Variants in DENND3 observed in about 807,000 individuals in gnomAD.
DENND3 encodes the protein DENN domain-containing protein 3.
DENND3 carries 88 observed loss-of-function variants against 135.1 expected under a neutral mutation model. The observed-to-expected ratio is 0.65, with a 90% CI of 0.55 to 0.78. The LOEUF is 0.78. Ranked by LOEUF, DENND3 falls within the 30% of genes least tolerant of loss-of-function variation. The probability of loss-of-function intolerance (pLI) is 0.00; values close to 1 mark genes in which losing one functional copy is unlikely to be tolerated. For missense variants in DENND3, 1,392 were observed against 1,688.4 expected (o/e 0.82, Z 3.08); for synonymous variants, 693 against 712.3 (o/e 0.97, Z 0.43).
At position 141,146,406 on chromosome 8, in the gene DENND3, T is replaced by C. The variant is rs188962784; in HGVS notation, c.735+2147T>C. On this transcript the variant is annotated intron_variant, in intron 5 of 22. Transcript: ENST00000519811. The surrounding 1 kb of genome is among the most constrained non-coding windows in gnomAD (Gnocchi z 4.3). ...AGAAACATGTCAGGTTGCTCAGCTA[T>C]GTGAAGAAACCTGTTTGACTCAGCA... Among the ~76,000 whole-genome samples the C allele has an allele frequency of 3.2e-4, 49 of 152,350 alleles. 1 individual carries two copies. Among genetic ancestry groups the C allele is most frequent in the Non-Finnish European group, 1.2e-4 (8 of 68,034 alleles).
At position 141,182,470 on chromosome 8, in the gene DENND3, G is replaced by A. The variant is rs307739; in HGVS notation, c.2944+1616G>A. On this transcript the variant is annotated intron_variant, in intron 17 of 22. Transcript: ENST00000519811. This position sits in a 1 kb window ranked among gnomAD's most constrained non-coding sequence, Gnocchi z 5.9. ...CTCCACAGACCAAGATACTTTGACC[G>A]TGGCATTTGAATACATGGTATTTTT... The A allele has an allele frequency of 0.52, 509,148 of 984,268 alleles. 133,570 individuals carry two copies. Among genetic ancestry groups the A allele is most frequent in the East Asian group, 0.79 (6,920 of 8,798 alleles). The allele number at this position is 984,268 out of a possible 1,614,324, so 61.0% of individuals were successfully genotyped here. A position where few individuals can be genotyped will look rare whatever the true frequency, so the allele number is the denominator to read the frequency against.
chr8:141,173,276 C>T (rs1047301807), intron 13 of DENND3, among the ~76,000 whole-genome samples: 1 of 152,252 alleles, frequency 6.6e-6, no homozygotes, highest in African/African-American at 2.4e-5. Flanking sequence ...ACTAGGCCTA[C>T]AGAGACCCTT....
rs953980421 is a variant in DENND3 at position 141,167,351 on chromosome 8, G to A, written c.1754-653G>A. On this transcript the variant is annotated intron_variant, in intron 12 of 22. Transcript: ENST00000519811. The surrounding 1 kb of genome is among the most constrained non-coding windows in gnomAD (Gnocchi z 4.1). ...AGCATGCTCCGCTTTCCCTGCCCTC[G>A]GAACCTTCCCCTGGAGCCCCCATGA... Among the ~76,000 whole-genome samples the A allele has an allele frequency of 2.0e-5, 3 of 152,144 alleles. No individual in the cohort carries two copies. Among genetic ancestry groups the A allele is most frequent in the Non-Finnish European group, 2.9e-5 (2 of 68,020 alleles).
At chr8:141,151,078 G>A in intron 6 of DENND3, 125 bp downstream of exon 6, 1 of 1,317,674 alleles carries the variant, frequency 7.6e-7, no homozygotes. Context: ...TACTCGAAAT[G>A]TTTATTATTA....
In DENND3 at chr8:141,192,344, C is replaced by T; in HGVS notation, c.3393C>T (p.Ser1131=). 1 of 1,614,144 alleles carries T rather than the reference C, an allele frequency of 6.2e-7. No individual in the cohort carries two copies. Among genetic ancestry groups the T allele is most frequent in the Non-Finnish European group, 8.5e-7 (1 of 1,180,016 alleles). The stretch of plus-strand genomic sequence containing the variant: ...TTCCTTCCACAGGCACAGGTAACAG[C>T]ATCATGGTCATGAAAATGAATGGAT... ...GGRLWCCTGN[S]IMVMKMNGSL... The change falls in exon 21 of 23, where the codon AGC becomes AGT. Residue 1131 remains serine, a synonymous_variant. Coordinates refer to ENST00000519811, the MANE Select transcript of DENND3 (RefSeq NM_001352890.3).
chr8:141,183,279 T>C (rs1823415461), intron 17 of DENND3, among the ~76,000 whole-genome samples: 1 of 152,166 alleles, frequency 6.6e-6, no homozygotes, highest in Non-Finnish European at 1.5e-5. Context: ...TGAGACAGGG[T>C]CTGACTCTGT....
chr8:141,142,236 C>A, intron 4 of DENND3: 1 of 390,728 alleles, frequency 2.6e-6, no homozygotes, highest in South Asian at 1.9e-5. Context: ...CACTTGTGCA[C>A]GGAGCCGTTT....
intron 8 of DENND3, chr8:141,157,489 G>A: frequency 2.0e-6 from 2 of 985,744 alleles, no homozygotes; most frequent in Non-Finnish European, 2.4e-6. Context: ...GGTCGTGGAG[G>A]TGACGCTGGA....
chr8:141,179,772 C>T (rs778222914), intron 16 of DENND3, among the ~76,000 whole-genome samples: 9 of 152,184 alleles, frequency 5.9e-5, no homozygotes, highest in Non-Finnish European at 1.2e-4. Context: ...CGACGTGTGT[C>T]GGTTTCTTCA....
In DENND3 at chr8:141,182,773, T is replaced by A. The variant is rs1476283825; in HGVS notation, c.2944+1919T>A. On this transcript the variant is annotated intron_variant, in intron 17 of 22. Transcript: ENST00000519811. The surrounding 1 kb of genome is among the most constrained non-coding windows in gnomAD (Gnocchi z 5.9). ...CATCAAGAAGGGGGAGTCTTGTTAT[T>A]CCCATTAGCTTGGGGCTGGGTCTCC... Among the ~76,000 whole-genome samples the A allele has an allele frequency of 6.6e-6, 1 of 152,152 alleles. No individual in the cohort carries two copies. The highest frequency in any genetic ancestry group is 1.5e-5 in the Non-Finnish European group (1 of 68,012).
Position 141,166,501 on chromosome 8 carries a change from A to G in DENND3, c.1753+112A>G, listed in dbSNP as rs1365837170. 8.9e-7 allele frequency: 1 copy of G among 1,118,022 alleles called. No homozygotes were observed. The highest frequency in any genetic ancestry group is 1.6e-5 in the African/African-American group (1 of 63,480). 69.3% of individuals were successfully genotyped at this position (1,118,022 alleles called of 1,614,324 possible). On this transcript the variant is annotated intron_variant, in intron 12 of 22. Transcript: ENST00000519811. The surrounding 1 kb of genome is among the most constrained non-coding windows in gnomAD (Gnocchi z 4.3). ...CAGGAGAGACGAGTGGGCTTGTTTT[A>G]GCAGCTGAGTTATTTGAAATGTTTA...
At chr8:141,180,426 C>G (rs307744) in intron 16 of DENND3, among the ~76,000 whole-genome samples, 17,399 of 152,112 alleles carry the variant, frequency 0.11, 3,030 homozygotes, top group African/African-American at 0.37. Context: ...CTAGAGATCA[C>G]AAGGGATGGC....
At chr8:141,142,330 C>T (rs754309875) in intron 4 of DENND3, 1 of 455,650 alleles carries the variant, frequency 2.2e-6, no homozygotes, top group South Asian at 1.6e-5. Context: ...CAACAGTTCC[C>T]TTTTGTGTCA....
intron 14 of DENND3, chr8:141,176,282 C>CA: frequency 1.2e-5 from 1 of 86,252 alleles, no homozygotes; most frequent in Non-Finnish European, 2.5e-5. Flanking sequence ...AAAACAAAAA[C>CA]AAAACAAAAA....
Position 141,182,186 on chromosome 8 carries a change from C to A in DENND3, c.2944+1332C>A, listed in dbSNP as rs1319496065. On this transcript the variant is annotated intron_variant, in intron 17 of 22. Transcript: ENST00000519811. This position sits in a 1 kb window ranked among gnomAD's most constrained non-coding sequence, Gnocchi z 5.9. ...GTCAGGGATGCAGATGTAGGTGTCA[C>A]CCCCTCTCACAGGCCATGTCCGCGG... 4 of 391,562 alleles carry A rather than the reference C, an allele frequency of 1.0e-5. No homozygotes were observed. The highest frequency in any genetic ancestry group is 2.2e-5 in the African/African-American group (1 of 45,616). The allele number at this position is 391,562 out of a possible 1,614,324, so 24.3% of individuals were successfully genotyped here.
intron 18 of DENND3, among the ~76,000 whole-genome samples, chr8:141,186,523 T>G (rs1037566313): frequency 6.6e-6 from 1 of 152,222 alleles, no homozygotes; most frequent in Admixed American, 6.5e-5. Flanking sequence ...GAGTTTTTTT[T>G]GCAATCTTTT....
intron 8 of DENND3, among the ~76,000 whole-genome samples, chr8:141,157,009 C>T (rs907117278): frequency 1.3e-5 from 2 of 152,006 alleles, no homozygotes; most frequent in Non-Finnish European, 2.9e-5. Context: ...GTCTTGAACT[C>T]CTGACCTTGT....
At chr8:141,140,060 C>T (rs1817268590) in intron 3 of DENND3, among the ~76,000 whole-genome samples, 2 of 152,114 alleles carry the variant, frequency 1.3e-5, no homozygotes, top group Admixed American at 1.3e-4. Context: ...CACAGGTGTG[C>T]ACCACCATGC....
In DENND3 at chr8:141,128,975, C is replaced by T. The variant is rs1815548271; in HGVS notation, c.102+166C>T. On this transcript the variant is annotated intron_variant, in intron 1 of 22. Coordinates refer to ENST00000519811, the MANE Select transcript of DENND3 (RefSeq NM_001352890.3). This position sits in a 1 kb window ranked among gnomAD's most constrained non-coding sequence, Gnocchi z 4.5. ...CGCGCCTGTGGCCGGGGATCGCGCC[C>T]GAGCTCAGGCAGGTGCCCTGGAGCA... is the stretch of plus-strand genomic sequence containing the variant. Among the ~76,000 whole-genome samples, 1 of 152,216 alleles carries T rather than the reference C, an allele frequency of 6.6e-6. No homozygotes were observed. Among genetic ancestry groups the T allele is most frequent in the South Asian group, 2.1e-4 (1 of 4,834 alleles).
Sources: allele counts gnomAD v4.1 joint callset (sites outside exome capture counted in the v4.1 genomes callset), GRCh38; gene constraint gnomAD v4.1.1; non-coding constraint Gnocchi (gnomAD v3.1); transcripts MANE v1.5; gene names NCBI Gene and HGNC (gene_info 2026-07-23, HGNC 2026-07-21).